Variants in CELF4 observed in about 807,000 individuals in gnomAD.
CELF4 encodes the protein CUG-BP- and ETR-3-like factor 4.
A neutral mutation model predicts 59.9 loss-of-function variants in CELF4; 18 were observed. That is an observed-to-expected ratio of 0.30 (90% CI 0.21 to 0.45). CELF4 has a LOEUF of 0.45. Ranked by LOEUF, CELF4 falls within the 20% of genes least tolerant of loss-of-function variation. The pLI, the probability that CELF4 is intolerant of heterozygous loss-of-function variation, is 1.00. For missense variants in CELF4, 456 were observed against 689.0 expected, an observed-to-expected ratio of 0.66 and a Z score of 3.79; for synonymous variants, 261 against 267.1, an observed-to-expected ratio of 0.98 and a Z score of 0.22.
intron 2 of CELF4, among the ~76,000 whole-genome samples, chr18:37,472,412 T>C (rs1278992920): frequency 2.6e-5 from 4 of 152,198 alleles, no homozygotes; most frequent in Admixed American, 2.6e-4. Flanking sequence ...GGGCCGGGGA[T>C]GGATCAGAAG....
intron 10 of CELF4, among the ~76,000 whole-genome samples, chr18:37,260,067 C>T (rs538957668): frequency 6.6e-6 from 1 of 152,356 alleles, no homozygotes; most frequent in East Asian, 1.9e-4. Flanking sequence ...AACCCTGTGA[C>T]ATTATTATCA....
In CELF4 at chr18:37,440,612, A is replaced by T. The variant is rs1954870; in HGVS notation, c.369+44913T>A. ...TTGGAGGAGGTGGGGCCCACAGGGA[A>T]TAATTAATAAATGGCACCGGTTCAA... On this transcript the variant is annotated intron_variant, in intron 2 of 12. Coordinates refer to ENST00000420428, the MANE Select transcript of CELF4 (RefSeq NM_020180.4). 4.1e-3 allele frequency among the ~76,000 whole-genome samples: 624 copies of T among 152,320 alleles called. 4 individuals carry two copies. The highest frequency in any genetic ancestry group is 0.014 in the African/African-American group (591 of 41,582).
At chr18:37,279,844 G>T (rs1044193061) in intron 3 of CELF4, among the ~76,000 whole-genome samples, 3 of 152,208 alleles carry the variant, frequency 2.0e-5, no homozygotes, top group Non-Finnish European at 4.4e-5. Context: ...GGGCAGAGAA[G>T]GAACCCCAGG....
At chr18:37,299,383 G>A (rs1283707777) in intron 3 of CELF4, among the ~76,000 whole-genome samples, 2 of 152,186 alleles carry the variant, frequency 1.3e-5, no homozygotes, top group African/African-American at 4.8e-5. Flanking sequence ...GGATGGCCAG[G>A]GCCCAGTCAC....
intron 1 of CELF4, among the ~76,000 whole-genome samples, chr18:37,488,522 C>T (rs1326289578): frequency 6.6e-6 from 1 of 152,190 alleles, no homozygotes; most frequent in Non-Finnish European, 1.5e-5. Flanking sequence ...CTGAGGCACA[C>T]TGGACTTCTA....
At chr18:37,550,463 C>G (rs1324163964) in intron 1 of CELF4, among the ~76,000 whole-genome samples, 1 of 152,186 alleles carries the variant, frequency 6.6e-6, no homozygotes, top group Non-Finnish European at 1.5e-5. Flanking sequence ...ACCAAGAAGC[C>G]CCTGCCCTGT....
intron 2 of CELF4, among the ~76,000 whole-genome samples, chr18:37,429,163 G>A (rs1388025479): frequency 3.3e-5 from 5 of 152,206 alleles, no homozygotes; most frequent in Admixed American, 6.5e-5. Context: ...CGCTGGCTAC[G>A]TGGGAGGTGT....
At chr18:37,369,934 T>TG (rs1483378663) in intron 2 of CELF4, among the ~76,000 whole-genome samples, 1 of 152,234 alleles carries the variant, frequency 6.6e-6, no homozygotes, top group Non-Finnish European at 1.5e-5. Context: ...TCTGGGGCCT[T>TG]GGGCTGTGCA....
At chr18:37,455,917 C>A (rs1293862638) in intron 2 of CELF4, among the ~76,000 whole-genome samples, 1 of 152,190 alleles carries the variant, frequency 6.6e-6, no homozygotes, top group Non-Finnish European at 1.5e-5. Context: ...CCTGTCTGCA[C>A]CCCCAGACGG....
At chr18:37,492,272 T>G (rs1002860077) in intron 1 of CELF4, among the ~76,000 whole-genome samples, 1 of 152,172 alleles carries the variant, frequency 6.6e-6, no homozygotes, top group African/African-American at 2.4e-5. Flanking sequence ...AAGGCCCCTC[T>G]GCCCCAAATC....
intron 2 of CELF4, among the ~76,000 whole-genome samples, chr18:37,451,011 G>A (rs1182367558): frequency 1.3e-5 from 2 of 152,170 alleles, no homozygotes; most frequent in East Asian, 3.9e-4. Context: ...ATGCAAAGCA[G>A]CCCACATGTT....
At chr18:37,522,483 C>T (rs1207256244) in intron 1 of CELF4, among the ~76,000 whole-genome samples, 1 of 152,044 alleles carries the variant, frequency 6.6e-6, no homozygotes, top group Admixed American at 6.5e-5. Flanking sequence ...TGAGACCCTG[C>T]CAGGTCTGAC....
At chr18:37,320,607 CAG>C (rs2097077001) in intron 3 of CELF4, among the ~76,000 whole-genome samples, 1 of 152,182 alleles carries the variant, frequency 6.6e-6, no homozygotes, top group Non-Finnish European at 1.5e-5. Flanking sequence ...GTGGAGAGGA[CAG>C]AGTCTCTACT....
chr18:37,558,202 G>A (rs1235182387), intron 1 of CELF4, among the ~76,000 whole-genome samples: 21 of 151,726 alleles, frequency 1.4e-4, no homozygotes, highest in Admixed American at 1.1e-3. Flanking sequence ...CAAAAATCAA[G>A]GCAATCACCT....
At chr18:37,398,409 C>A (rs577854725) in intron 2 of CELF4, among the ~76,000 whole-genome samples, 60 of 152,288 alleles carry the variant, frequency 3.9e-4, no homozygotes, top group African/African-American at 1.3e-3. Context: ...GACTGTGCCT[C>A]ACAGACATAG....
chr18:37,433,204 A>C (rs2099676174), intron 2 of CELF4, among the ~76,000 whole-genome samples: 1 of 152,230 alleles, frequency 6.6e-6, no homozygotes, highest in South Asian at 2.1e-4. Context: ...TAGGAACGTG[A>C]GAGCCAGAAA....
At chr18:37,378,598 T>A (rs2154568284) in intron 2 of CELF4, among the ~76,000 whole-genome samples, 1 of 152,294 alleles carries the variant, frequency 6.6e-6, no homozygotes, top group South Asian at 2.1e-4. Context: ...CGTGGAAGCA[T>A]TCATTGCCAT....
intron 2 of CELF4, among the ~76,000 whole-genome samples, chr18:37,473,095 G>T (rs1368592922): frequency 6.6e-6 from 1 of 152,138 alleles, no homozygotes; most frequent in African/African-American, 2.4e-5. Context: ...AGGGCCTCAG[G>T]AGTAGAGGGC....
chr18:37,503,678 ATCTCT>A (rs1021831489), intron 1 of CELF4, among the ~76,000 whole-genome samples: 3 of 152,246 alleles, frequency 2.0e-5, no homozygotes, highest in East Asian at 1.9e-4. Context: ...GGTTTGATAA[ATCTCT>A]TCACTTCTCT....
Sources: allele counts gnomAD v4.1 joint callset (sites outside exome capture counted in the v4.1 genomes callset), GRCh38; gene constraint gnomAD v4.1.1; transcripts MANE v1.5; gene names NCBI Gene and HGNC (gene_info 2026-07-23, HGNC 2026-07-21).